TBCD: variants seen among roughly 807,000 people sequenced by gnomAD.
TBCD encodes tubulin-specific chaperone D.
TBCD carries 105 observed loss-of-function variants against 169.3 expected under a neutral mutation model. That is an observed-to-expected ratio of 0.62 (90% CI 0.53 to 0.73). The LOEUF is 0.73. Among genes scored for constraint, TBCD ranks in the 30% least tolerant of loss-of-function variants. The pLI is 0.00. For synonymous variants in TBCD, 700 were observed against 643.9 expected (o/e 1.09, Z -1.32); for missense variants, 1,444 against 1,600.1 (o/e 0.90, Z 1.66).
At chr17:82,758,395 A>AAAT (rs1555672600) in intron 2 of TBCD, among the ~76,000 whole-genome samples, 3 of 129,662 alleles carry the variant, frequency 2.3e-5, no homozygotes, top group African/African-American at 9.9e-5. Context: ...AAAAAAAAAA[A>AAAT]AAAAAAAATA....
intron 9 of TBCD, among the ~76,000 whole-genome samples, chr17:82,805,194 G>A (rs1050839151): frequency 2.6e-5 from 4 of 152,242 alleles, no homozygotes; most frequent in African/African-American, 7.2e-5. Flanking sequence ...AGCTCTCTGC[G>A]TAGGACTGCG....
At chr17:82,897,861 G>A (rs1301824070) in intron 17 of TBCD, among the ~76,000 whole-genome samples, 5 of 152,202 alleles carry the variant, frequency 3.3e-5, no homozygotes, top group Non-Finnish European at 5.9e-5. Flanking sequence ...TTGAGCCCCC[G>A]TGGGTTTTGA....
chr17:82,894,365 G>C (rs962804508), intron 17 of TBCD, among the ~76,000 whole-genome samples: 3 of 152,150 alleles, frequency 2.0e-5, no homozygotes, highest in African/African-American at 7.2e-5. Context: ...GCCCAGGCTG[G>C]AGTGCAGTGG....
intron 2 of TBCD, among the ~76,000 whole-genome samples, chr17:82,758,948 C>A (rs1212983609): frequency 1.3e-5 from 2 of 152,136 alleles, no homozygotes; most frequent in Non-Finnish European, 2.9e-5. Flanking sequence ...AGGTGTGAGC[C>A]ATTGTGCCCG....
intron 38 of TBCD, chr17:82,941,810 A>C (rs1599777381): frequency 1.4e-5 from 5 of 362,414 alleles, no homozygotes; most frequent in South Asian, 5.1e-5. Context: ...GTGCCACCCT[A>C]CCCCTCCTCA....
chr17:82,845,449 C>G (rs1049689754), intron 13 of TBCD, among the ~76,000 whole-genome samples: 4 of 131,524 alleles, frequency 3.0e-5, no homozygotes, highest in African/African-American at 1.0e-4. Flanking sequence ...CCCTTCCTCT[C>G]CATCTCGTCT....
intron 3 of TBCD, among the ~76,000 whole-genome samples, chr17:82,764,454 G>A (rs1466133935): frequency 1.3e-5 from 2 of 152,180 alleles, no homozygotes; most frequent in East Asian, 1.9e-4. Flanking sequence ...AGATGAGCCT[G>A]GCCAACATGG....
chr17:82,849,544 C>G (rs966924326), intron 13 of TBCD, among the ~76,000 whole-genome samples: 4 of 152,198 alleles, frequency 2.6e-5, no homozygotes, highest in African/African-American at 7.2e-5. Context: ...TTTAGGTTAT[C>G]TCAAGTTCAT....
chr17:82,895,498 G>T (rs1186314288), intron 17 of TBCD, among the ~76,000 whole-genome samples: 1 of 152,186 alleles, frequency 6.6e-6, no homozygotes, highest in African/African-American at 2.4e-5. Flanking sequence ...GGATTGTCCT[G>T]AGGTCATGGC....
At chr17:82,862,035 G>A (rs1447743229) in intron 13 of TBCD, among the ~76,000 whole-genome samples, 3 of 151,936 alleles carry the variant, frequency 2.0e-5, no homozygotes, top group Admixed American at 2.0e-4. Context: ...CCATTCTCCT[G>A]CCTCAGCCTC....
rs1728451552 is a variant in TBCD at position 82,835,505 on chromosome 17, C to A, written c.1318+20571C>A. Among the ~76,000 whole-genome samples the A allele has an allele frequency of 6.6e-6, 1 of 152,136 alleles. No individual in the cohort carries two copies. The highest frequency in any genetic ancestry group is 6.5e-5 in the Admixed American group (1 of 15,282). On this transcript the variant is annotated intron_variant, in intron 13 of 38. Transcript: ENST00000355528. This position sits in a 1 kb window ranked among gnomAD's most constrained non-coding sequence, Gnocchi z 4.5. ...TGGTGCGATCTCGGTTCACTGCAAC[C>A]TCTGCCTCCTGGGTTCAAGAGATTC... is the stretch of plus-strand genomic sequence containing the variant.
At chr17:82,840,192 C>T (rs1247783183) in intron 13 of TBCD, 1 of 152,228 alleles carries the variant, frequency 6.6e-6, no homozygotes, top group Admixed American at 6.5e-5. Flanking sequence ...GTTATCTCGC[C>T]GACTCCCAGC....
At chr17:82,941,589 C>G in intron 38 of TBCD, 106 bp downstream of exon 38, 1 of 998,954 alleles carries the variant, frequency 1.0e-6, no homozygotes, top group Non-Finnish European at 1.5e-6. Context: ...TCCACACGGC[C>G]CGTTCCCTCG....
chr17:82,894,117 A>G (rs192494463), intron 17 of TBCD, among the ~76,000 whole-genome samples: 1 of 46,972 alleles, frequency 2.1e-5, no homozygotes, highest in Non-Finnish European at 4.1e-5. Context: ...AGTGTTTTGA[A>G]GTTGAAGTTA....
chr17:82,786,592 T>G (rs2144402469), intron 7 of TBCD, among the ~76,000 whole-genome samples: 1 of 152,320 alleles, frequency 6.6e-6, no homozygotes, highest in African/African-American at 2.4e-5. Context: ...GAGCCAGCTG[T>G]GGCTGCCCAG....
chr17:82,893,812 T>C (rs1215932704), intron 17 of TBCD, among the ~76,000 whole-genome samples, 180 bp downstream of exon 17: 1 of 152,254 alleles, frequency 6.6e-6, no homozygotes, highest in Non-Finnish European at 1.5e-5. Context: ...TTCATGTTGA[T>C]TGGACACACC....
intron 6 of TBCD, among the ~76,000 whole-genome samples, chr17:82,775,282 G>T (rs1306724514): frequency 6.6e-6 from 1 of 152,186 alleles, no homozygotes; most frequent in Non-Finnish European, 1.5e-5. Context: ...CCTTGGTCTC[G>T]CACACTCTCG....
chr17:82,906,412 C>A (rs1266099637), intron 20 of TBCD, among the ~76,000 whole-genome samples: 3 of 152,236 alleles, frequency 2.0e-5, no homozygotes, highest in Non-Finnish European at 4.4e-5. Context: ...CGGCATTGAG[C>A]GACTTGCATG....
At chr17:82,825,669 C>A (rs946295006) in intron 13 of TBCD, among the ~76,000 whole-genome samples, 1 of 152,214 alleles carries the variant, frequency 6.6e-6, no homozygotes, top group Admixed American at 6.5e-5. Context: ...ATCCCTCTTA[C>A]AAGTTTTATA....
Sources: allele counts gnomAD v4.1 joint callset (sites outside exome capture counted in the v4.1 genomes callset), GRCh38; gene constraint gnomAD v4.1.1; non-coding constraint Gnocchi (gnomAD v3.1); transcripts MANE v1.5; gene names NCBI Gene and HGNC (gene_info 2026-07-23, HGNC 2026-07-21).